The following DYRK1A variants were observed in gnomAD, a reference collection of about 807,000 sequenced individuals.
DYRK1A encodes dual specificity tyrosine-phosphorylation-regulated kinase 1A.
A neutral mutation model predicts 79.7 loss-of-function variants in DYRK1A; 9 were observed. That is an observed-to-expected ratio of 0.11 (90% CI 0.07 to 0.20). The LOEUF (loss-of-function observed/expected upper bound fraction) is 0.20. DYRK1A is among the 10% of genes least tolerant of loss of function. The pLI is 1.00. For missense variants in DYRK1A, 622 were observed against 956.0 expected, an observed-to-expected ratio of 0.65 and a Z score of 4.61; for synonymous variants, 349 against 329.7, an observed-to-expected ratio of 1.06 and a Z score of -0.63.
intron 2 of DYRK1A, among the ~76,000 whole-genome samples, chr21:37,438,867 A>G (rs547646866): frequency 1.2e-4 from 19 of 152,298 alleles, no homozygotes; most frequent in African/African-American, 3.4e-4. Flanking sequence ...AAAGTTTGCT[A>G]GGATGTTGAT....
chr21:37,476,224 C>T (rs552982256), intron 3 of DYRK1A, among the ~76,000 whole-genome samples: 1 of 152,250 alleles, frequency 6.6e-6, no homozygotes, highest in East Asian at 1.9e-4. Flanking sequence ...AGTTCTTTAA[C>T]GTTGGAGACT....
chr21:37,418,556 C>G (rs568266888), intron 1 of DYRK1A, among the ~76,000 whole-genome samples: 12 of 152,042 alleles, frequency 7.9e-5, no homozygotes, highest in Non-Finnish European at 1.2e-4. Context: ...TGTTGAGAGC[C>G]TAAAGGATTT....
In DYRK1A at chr21:37,468,731, A is replaced by G. The variant is rs557391116; in HGVS notation, c.11-3953A>G. 8.3e-4 allele frequency among the ~76,000 whole-genome samples: 123 copies of G among 147,396 alleles called. 1 individual carries two copies. Among genetic ancestry groups the G allele is most frequent in the African/African-American group, 2.9e-3 (119 of 40,730 alleles). ...AAATGCAAATGGATTTTGCATTTAG[A>G]TGTGAGAGAGAAAGCCCAGTGTTTA... On this transcript the variant is annotated intron_variant, in intron 2 of 11. Coordinates refer to ENST00000647188, the MANE Select transcript of DYRK1A (RefSeq NM_001347721.2).
intron 6 of DYRK1A, among the ~76,000 whole-genome samples, chr21:37,489,332 G>A (rs910942018): frequency 2.0e-5 from 3 of 152,040 alleles, no homozygotes; most frequent in Non-Finnish European, 4.4e-5. Context: ...GCACTTTATC[G>A]AATAACCTCA....
At chr21:37,474,327 T>C (rs749591393) in intron 3 of DYRK1A, among the ~76,000 whole-genome samples, 3 of 152,262 alleles carry the variant, frequency 2.0e-5, no homozygotes, top group Non-Finnish European at 4.4e-5. Context: ...TCATATAAAA[T>C]AAGAGATATT....
chr21:37,373,210 G>T (rs35795022), intron 1 of DYRK1A, among the ~76,000 whole-genome samples: 1 of 152,118 alleles, frequency 6.6e-6, no homozygotes, highest in South Asian at 2.1e-4. Flanking sequence ...AGCACCGGCT[G>T]CCCTGCCCAG....
intron 2 of DYRK1A, among the ~76,000 whole-genome samples, chr21:37,471,301 A>G (rs1365302955): frequency 1.3e-5 from 2 of 152,186 alleles, no homozygotes; most frequent in African/African-American, 4.8e-5. Flanking sequence ...TGACTGCCAG[A>G]GTGTTGAGTC....
At position 37,523,301 on chromosome 21, in the gene DYRK1A, A is replaced by T. The variant is rs923523174; in HGVS notation, c.*10770A>T. 1 of 152,412 alleles carries T rather than the reference A, an allele frequency of 6.6e-6. No individual in the cohort carries two copies. The highest frequency in any genetic ancestry group is 2.4e-5 in the African/African-American group (1 of 41,406). 9.4% of individuals were successfully genotyped at this position (152,412 alleles called of 1,614,324 possible). On this transcript the variant is annotated 3_prime_UTR_variant, in exon 12 of 12. Transcript: ENST00000647188. ...AGCGATCCTTCTGCCTCAGCCTCCC[A>T]TTACGGGCAGGAGCCACTGCACACA...
intron 1 of DYRK1A, among the ~76,000 whole-genome samples, chr21:37,373,722 A>G (rs2049479964): frequency 6.6e-6 from 1 of 152,180 alleles, no homozygotes; most frequent in African/African-American, 2.4e-5. Flanking sequence ...TTTTCTTCAT[A>G]CCCTATTGGT....
chr21:37,384,344 A>T (rs772072882), intron 1 of DYRK1A, among the ~76,000 whole-genome samples: 3 of 152,132 alleles, frequency 2.0e-5, no homozygotes, highest in Admixed American at 6.5e-5. Flanking sequence ...AGCAGAAAAA[A>T]TCTCAGAGTT....
At chr21:37,405,673 C>T (rs572315795) in intron 1 of DYRK1A, among the ~76,000 whole-genome samples, 5 of 152,296 alleles carry the variant, frequency 3.3e-5, no homozygotes, top group African/African-American at 1.2e-4. Context: ...TCTGACAGTC[C>T]TCCTTCCCCA....
chr21:37,488,063 A>T, intron 6 of DYRK1A: 1 of 152,224 alleles, frequency 6.6e-6, no homozygotes, highest in East Asian at 1.9e-4. Flanking sequence ...TAACATTTTA[A>T]TTCTGCTTTA....
Position 37,420,373 on chromosome 21 carries a change from C to T in DYRK1A, c.-2C>T, listed in dbSNP as rs139696803. On this transcript the variant is annotated 5_prime_UTR_variant, in exon 2 of 12. The change creates a new upstream start codon in the 5' untranslated region. Transcript: ENST00000647188. Reference sequence around the variant, plus strand: ...GGATGATATGAGACTTGAAAGAAGACGATGCATACAGGTGACTCAAGTTTT... The same window carrying T: ...GGATGATATGAGACTTGAAAGAAGATGATGCATACAGGTGACTCAAGTTTT... 5.6e-6 allele frequency: 9 copies of T among 1,610,190 alleles called. No homozygotes were observed. Among genetic ancestry groups the T allele is most frequent in the African/African-American group, 1.3e-5 (1 of 74,806 alleles).
rs767068421 is a variant in DYRK1A at position 37,521,914 on chromosome 21, C to G, written c.*9383C>G. 1.3e-5 allele frequency: 2 copies of G among 152,044 alleles called. No individual in the cohort carries two copies. The highest frequency in any genetic ancestry group is 2.9e-5 in the Non-Finnish European group (2 of 68,050). The allele number at this position is 152,044 out of a possible 1,614,324, so 9.4% of individuals were successfully genotyped here. ...TGAGTGCTAAGGGCTTGTAGGAGAA[C>G]GTTGTGGAGATGTCCGGTAGGCATC... On this transcript the variant is annotated 3_prime_UTR_variant, in exon 12 of 12. Transcript: ENST00000647188.
intron 2 of DYRK1A, among the ~76,000 whole-genome samples, chr21:37,465,661 ACT>A (rs1271054001): frequency 6.6e-6 from 1 of 152,144 alleles, no homozygotes; most frequent in East Asian, 1.9e-4. Context: ...ACATGGTGAA[ACT>A]CTGTCTCTAC....
At chr21:37,493,240 A>C in intron 8 of DYRK1A, 77 bp downstream of exon 8, 1 of 1,450,060 alleles carries the variant, frequency 6.9e-7, no homozygotes, top group Non-Finnish European at 9.4e-7. Flanking sequence ...GTAATTTAAA[A>C]GTTGTTTTTA....
intron 2 of DYRK1A, among the ~76,000 whole-genome samples, chr21:37,449,279 A>C (rs546923063): frequency 1.3e-5 from 2 of 152,314 alleles, no homozygotes; most frequent in East Asian, 3.9e-4. Context: ...GAACACACCT[A>C]ATATTTCAGT....
At chr21:37,455,768 A>G (rs1001956155) in intron 2 of DYRK1A, among the ~76,000 whole-genome samples, 3 of 152,034 alleles carry the variant, frequency 2.0e-5, no homozygotes, top group African/African-American at 4.8e-5. Flanking sequence ...ATCATTTAGC[A>G]TTTGCCATTT....
intron 9 of DYRK1A, chr21:37,502,492 T>C (rs1179126178): frequency 6.6e-6 from 1 of 152,242 alleles, no homozygotes; most frequent in Non-Finnish European, 1.5e-5. Context: ...AATAATAATA[T>C]ATTGCTTGTT....
Sources: allele counts gnomAD v4.1 joint callset (sites outside exome capture counted in the v4.1 genomes callset), GRCh38; gene constraint gnomAD v4.1.1; transcripts MANE v1.5; gene names NCBI Gene and HGNC (gene_info 2026-07-23, HGNC 2026-07-21).